The following HSPH1 variants were observed in gnomAD, a reference collection of about 807,000 sequenced individuals.
HSPH1 encodes the protein heat shock protein family H (Hsp110) member 1, also known as heat shock protein 105 kDa.
Under a neutral mutation model 100.0 loss-of-function variants are expected in HSPH1, and 40 were observed. The ratio of observed to expected loss-of-function variants is 0.40; its 90% CI spans 0.31 to 0.52. HSPH1 has a LOEUF of 0.52. HSPH1 is among the 20% of genes least tolerant of loss of function. The probability of loss-of-function intolerance (pLI) is 0.54; values close to 1 mark genes in which losing one functional copy is unlikely to be tolerated. For missense variants in HSPH1, 876 were observed against 1,015.1 expected (o/e 0.86, Z 1.86); for synonymous variants, 403 against 344.0 (o/e 1.17, Z -1.90).
At chr13:31,142,197 G>C (rs549006487) in intron 12 of HSPH1, among the ~76,000 whole-genome samples, 2 of 152,230 alleles carry the variant, frequency 1.3e-5, no homozygotes, top group South Asian at 4.1e-4. Flanking sequence ...CATAGCCATA[G>C]ATAATTTTGA....
chr13:31,161,643 G>T lies in HSPH1; in HGVS notation c.-61C>A, dbSNP rs762786068. Reference sequence around the variant, plus strand: ...GTCTGCGTCCTCCGGCCCCCTGCCTGCTTCTCCTGCCGCCGCTTTCTGCCC... The same window carrying T: ...GTCTGCGTCCTCCGGCCCCCTGCCTTCTTCTCCTGCCGCCGCTTTCTGCCC... On this transcript the variant is annotated 5_prime_UTR_variant, in exon 1 of 18. Transcript: ENST00000320027. 1.9e-6 allele frequency: 3 copies of T among 1,596,760 alleles called. No homozygotes were observed. Among genetic ancestry groups the T allele is most frequent in the Non-Finnish European group, 2.5e-6 (3 of 1,176,734 alleles).
intron 10 of HSPH1, 81 bp downstream of exon 10, chr13:31,147,878 G>A (rs560978238): frequency 1.1e-5 from 14 of 1,234,526 alleles, no homozygotes; most frequent in African/African-American, 1.6e-5. Context: ...CTAAGAATAA[G>A]ACAACTTTTA....
rs202133067 is a variant in HSPH1, at chr13:31,145,551, C to T, written c.1584+12G>A. Reference sequence around the variant, plus strand: ...ACTCTATTCAAACACAAAGGTTTATCCACAAACTTACATCAGTGTCTGGGT... The same window carrying T: ...ACTCTATTCAAACACAAAGGTTTATTCACAAACTTACATCAGTGTCTGGGT... On this transcript the variant is annotated intron_variant, in intron 11 of 17. Coordinates refer to ENST00000320027, the MANE Select transcript of HSPH1 (RefSeq NM_006644.4). The T allele has an allele frequency of 6.5e-5, 104 of 1,607,826 alleles. No homozygotes were observed. The Admixed American group carries it at 6.7e-4, about 10-fold the overall frequency.
At chr13:31,159,581 T>C (rs1006991450) in intron 1 of HSPH1, among the ~76,000 whole-genome samples, 4 of 152,190 alleles carry the variant, frequency 2.6e-5, no homozygotes, top group African/African-American at 9.7e-5. Context: ...GAGCAGAGAC[T>C]AGCTTAAAAA....
chr13:31,159,373 G>T (rs1376827407), intron 1 of HSPH1, among the ~76,000 whole-genome samples: 1 of 152,192 alleles, frequency 6.6e-6, no homozygotes, highest in Non-Finnish European at 1.5e-5. Context: ...AGAGCACAAA[G>T]AGGTTCCCAT....
chr13:31,142,791 T>C (rs1327676642), intron 12 of HSPH1, among the ~76,000 whole-genome samples: 4 of 152,084 alleles, frequency 2.6e-5, no homozygotes, highest in African/African-American at 9.7e-5. Context: ...GTACTAAGAC[T>C]ATCGGCAAGA....
At chr13:31,159,649 T>C (rs1381473767) in intron 1 of HSPH1, among the ~76,000 whole-genome samples, 1 of 152,184 alleles carries the variant, frequency 6.6e-6, no homozygotes, top group Non-Finnish European at 1.5e-5. Flanking sequence ...TATCTAATTC[T>C]GGATTACTAA....
rs1047467188 is a variant in HSPH1, at chr13:31,161,526, C to A, written c.57G>T (p.Arg19=). The A allele has an allele frequency of 6.2e-6, 10 of 1,613,932 alleles. No individual in the cohort carries two copies. In the African/African-American group the frequency reaches 1.2e-4, roughly 19 times the overall value. The change falls in exon 1 of 18, where the codon CGG becomes CGT. Residue 19 remains arginine, a synonymous_variant. Coordinates refer to ENST00000320027, the MANE Select transcript of HSPH1 (RefSeq NM_006644.4). ...GSQSCYIAVA[R]AGGIETIANE... ...TGGCGATGGTCTCGATGCCCCCGGC[C>A]CGGGCTACCGCGATGTAGCAGCTCT... is the stretch of plus-strand genomic sequence containing the variant.
At chr13:31,147,375 C>T (rs1392864299) in intron 10 of HSPH1, among the ~76,000 whole-genome samples, 1 of 152,040 alleles carries the variant, frequency 6.6e-6, no homozygotes, top group Non-Finnish European at 1.5e-5. Flanking sequence ...AGGTGTGAGG[C>T]AAGGGTACGT....
In HSPH1 at chr13:31,138,956, GTT is replaced by G. The variant is rs1955985561; in HGVS notation, c.2088+42_2088+43del. The stretch of plus-strand genomic sequence containing the variant: ...TCATAATTTTATTTTAAAGTCTATA[GTT>G]TAAAACACAAGTACCACCTTTTGGG... On this transcript the variant is annotated intron_variant, in intron 15 of 17. Coordinates refer to ENST00000320027, the MANE Select transcript of HSPH1 (RefSeq NM_006644.4). 9 of 1,584,438 alleles carry G rather than the reference GTT, an allele frequency of 5.7e-6. No homozygotes were observed. In the South Asian group the frequency reaches 9.0e-5, roughly 16 times the overall value.
At chr13:31,144,935 A>G (rs1012465049) in intron 11 of HSPH1, among the ~76,000 whole-genome samples, 3 of 152,158 alleles carry the variant, frequency 2.0e-5, no homozygotes, top group African/African-American at 4.8e-5. Flanking sequence ...CTAAAACACC[A>G]CACTGCCTCC....
intron 1 of HSPH1, 59 bp downstream of exon 1, chr13:31,161,417 G>A: frequency 1.3e-6 from 2 of 1,591,636 alleles, no homozygotes; most frequent in Non-Finnish European, 1.7e-6. Flanking sequence ...CGCGATCTTG[G>A]GTCCCCACAC....
chr13:31,151,242 A>G (rs1956477398), intron 6 of HSPH1, 51 bp from the exon 7 acceptor site: 2 of 1,424,008 alleles, frequency 1.4e-6, no homozygotes, highest in Non-Finnish European at 1.9e-6. Context: ...TCACATTTGT[A>G]ACTAGAATCT....
chr13:31,148,428 G>C lies in HSPH1; in HGVS notation c.1190C>G (p.Ala397Gly). 6.3e-7 allele frequency: 1 copy of C among 1,580,834 alleles called. No homozygotes were observed. The highest frequency in any genetic ancestry group is 8.6e-7 in the Non-Finnish European group (1 of 1,167,150). ...FKVREFSVTD[A>G]VPFPISLIWN... ...GATCAGAGATATTGGAAAAGGAACT[G>C]CATCTGTGACGGAAAATTCTCTAAC... Residue 397 changes from alanine to glycine, a missense_variant, in exon 9 of 18, where the codon GCA becomes GGA. Transcript: ENST00000320027.
rs1035107948 is a variant in HSPH1, at chr13:31,157,699, G to T, written c.165+1107C>A. Among the ~76,000 whole-genome samples, 4 of 151,994 alleles carry T rather than the reference G, an allele frequency of 2.6e-5. No individual in the cohort carries two copies. In the East Asian group the frequency reaches 5.8e-4, roughly 22 times the overall value. On this transcript the variant is annotated intron_variant, in intron 2 of 17. Transcript: ENST00000320027. ...AAGAGCCTCTCAAAGAGCATTTCAC[G>T]TATCTTTTACTGTTTTTCTCTCCAC... is the stretch of plus-strand genomic sequence containing the variant.
chr13:31,154,081 C>T (rs1956586989), intron 4 of HSPH1: 1 of 170,772 alleles, frequency 5.9e-6, no homozygotes, highest in Non-Finnish European at 1.3e-5. Flanking sequence ...CACAACCTAT[C>T]AAGAAGTGAC....
intron 10 of HSPH1, 61 bp from the exon 11 acceptor site, chr13:31,145,829 C>T (rs762596218): frequency 6.8e-5 from 103 of 1,511,890 alleles, no homozygotes; most frequent in Non-Finnish European, 9.0e-5. Context: ...GTCTAAATCT[C>T]TGTAGAGGAG....
intron 11 of HSPH1, among the ~76,000 whole-genome samples, chr13:31,144,634 G>A (rs1284256950): frequency 6.6e-6 from 1 of 152,046 alleles, no homozygotes; most frequent in Non-Finnish European, 1.5e-5. Context: ...TTGGAAGAGG[G>A]CTGAAATACT....
At chr13:31,147,010 A>G (rs571971735) in intron 10 of HSPH1, among the ~76,000 whole-genome samples, 3 of 152,312 alleles carry the variant, frequency 2.0e-5, no homozygotes, top group South Asian at 4.1e-4. Context: ...AGTTCAGGAA[A>G]TATTTGCCAA....
Sources: gnomAD v4.1 joint callset for allele counts (sites outside exome capture counted in the v4.1 genomes callset) on GRCh38, gnomAD v4.1.1 for gene constraint, MANE v1.5 for transcripts, NCBI Gene and HGNC (gene_info 2026-07-23, HGNC 2026-07-21) for gene names.